TTBK1: variants seen among roughly 807,000 people sequenced by gnomAD.
TTBK1 encodes tau tubulin kinase 1.
Under a neutral mutation model 108.5 loss-of-function variants are expected in TTBK1, and 34 were observed. The observed-to-expected ratio is 0.31, with a 90% CI of 0.24 to 0.42. TTBK1 has a LOEUF of 0.42. Ranked by LOEUF, TTBK1 falls within the 10% of genes least tolerant of loss-of-function variation. TTBK1 has a pLI of 1.00. For synonymous variants in TTBK1, 809 were observed against 795.1 expected (o/e 1.02, Z -0.29); for missense variants, 1,539 against 1,826.0 (o/e 0.84, Z 2.86).
At chr6:43,280,100 A>C (rs1447318679) in intron 13 of TTBK1, among the ~76,000 whole-genome samples, 3 of 148,340 alleles carry the variant, frequency 2.0e-5, no homozygotes, top group African/African-American at 7.3e-5. Flanking sequence ...TCCTGCTGGA[A>C]TCTGAAGCTA....
intron 12 of TTBK1, among the ~76,000 whole-genome samples, chr6:43,260,146 G>A (rs1286515041): frequency 1.3e-5 from 2 of 152,220 alleles, no homozygotes; most frequent in African/African-American, 4.8e-5. Flanking sequence ...TTGGGGGTTA[G>A]GGCTGAAGGA....
In TTBK1 at chr6:43,252,785, T is replaced by C. The variant is rs1264247234; in HGVS notation, c.155T>C (p.Met52Thr). The C allele has an allele frequency of 1.2e-6, 2 of 1,613,960 alleles. No individual in the cohort carries two copies. Among genetic ancestry groups the C allele is most frequent in the Non-Finnish European group, 1.7e-6 (2 of 1,179,984 alleles). Residue 52 changes from methionine (M) to threonine (T), a missense_variant, in exon 3 of 15, where the codon ATG becomes ACG. Physicochemically the swap from Met to Thr is moderately conservative, Grantham distance 81 (BLOSUM62 -1). Around this residue, in one of 5 missense-constraint regions of TTBK1, gnomAD observed 155 missense variants for 348.5 expected, o/e 0.44. Transcript: ENST00000259750. ...GGCTTTGGTGAGATCTACGAGGCCA[T>C]GGACCTGCTGACCAGGGAGAATGTG... ...GGGFGEIYEA[M>T]DLLTRENVAL...
intron 9 of TTBK1, 105 bp downstream of exon 9, chr6:43,255,961 C>A: frequency 7.1e-7 from 1 of 1,416,986 alleles, no homozygotes; most frequent in East Asian, 2.3e-5. Context: ...TGCCTTGTCC[C>A]CAAGCCTCTC....
chr6:43,244,277 C>A (rs918745059), intron 1 of TTBK1, among the ~76,000 whole-genome samples: 1 of 152,074 alleles, frequency 6.6e-6, no homozygotes, highest in South Asian at 2.1e-4. Flanking sequence ...CGCTAGTCTC[C>A]ATCACCTCTC....
intron 12 of TTBK1, 103 bp from the exon 13 acceptor site, chr6:43,262,686 G>A (rs1353107337): frequency 1.6e-5 from 19 of 1,181,936 alleles, no homozygotes; most frequent in South Asian, 1.3e-4. Context: ...GGGGTACTGC[G>A]GTCAGGAGGT....
chr6:43,264,939 G>T (rs137940870), intron 13 of TTBK1, among the ~76,000 whole-genome samples: 1 of 152,224 alleles, frequency 6.6e-6, no homozygotes, highest in Non-Finnish European at 1.5e-5. Context: ...GGCAGGGAGG[G>T]GCCAGATGGT....
chr6:43,259,741 A>G lies in TTBK1; in HGVS notation c.1424+35A>G, dbSNP rs1777488053. On this transcript the variant is annotated intron_variant, in intron 12 of 14. Transcript: ENST00000259750. This position sits in a 1 kb window ranked among gnomAD's most constrained non-coding sequence, Gnocchi z 6.7. ...GGGCCAGGGGCATGGTTGGGGCCCA[A>G]GGCCCTCTCCGCCTTCACGTGGCTG... The G allele has an allele frequency of 1.3e-6, 2 of 1,515,756 alleles. No homozygotes were observed. The highest frequency in any genetic ancestry group is 1.3e-5 in the South Asian group (1 of 76,270). 93.9% of individuals were successfully genotyped at this position (1,515,756 alleles called of 1,614,324 possible).
Position 43,273,183 on chromosome 6 carries a change from ATGCCGAATAATCTGAGGTCT to A in TTBK1, c.1987-9541_1987-9522del, listed in dbSNP as rs1336353181. Among the ~76,000 whole-genome samples the A allele has an allele frequency of 6.6e-6, 1 of 152,196 alleles. No homozygotes were observed. Among genetic ancestry groups the A allele is most frequent in the East Asian group, 1.9e-4 (1 of 5,198 alleles). The stretch of plus-strand genomic sequence containing the variant: ...ACCAGAACATATAAAAAACCCACCC[ATGCCGAATAATCTGAGGTCT>A]TGTTTGACAGAGTTTGTGAAACATC... On this transcript the variant is annotated intron_variant, in intron 13 of 14. Transcript: ENST00000259750. The surrounding 1 kb of genome is among the most constrained non-coding windows in gnomAD (Gnocchi z 4.2).
intron 12 of TTBK1, among the ~76,000 whole-genome samples, chr6:43,262,055 AAAGGGTAG>A (rs534196897): frequency 2.6e-4 from 39 of 152,180 alleles, no homozygotes; most frequent in Non-Finnish European, 5.1e-4. Flanking sequence ...ATCAGACAGC[AAAGGGTAG>A]AAGGACAGGC....
At chr6:43,251,916 T>C (rs1456971384) in intron 2 of TTBK1, among the ~76,000 whole-genome samples, 2 of 152,174 alleles carry the variant, frequency 1.3e-5, no homozygotes, top group African/African-American at 4.8e-5. Flanking sequence ...CTCTCCTTCT[T>C]GTGACTCTTG....
At chr6:43,270,316 C>G (rs1314531904) in intron 13 of TTBK1, 2 of 1,068,332 alleles carry the variant, frequency 1.9e-6, no homozygotes, top group Non-Finnish European at 2.3e-6. Context: ...CAGAGGCACT[C>G]TGGTATGGGC....
Position 43,282,980 on chromosome 6 carries a change from A to G in TTBK1, c.2240A>G (p.Glu747Gly). Residue 747 changes from glutamate (E) to glycine (G), a missense_variant, in exon 14 of 15, where the codon GAG (glutamate) becomes GGG (glycine). Glu to Gly is a moderately conservative substitution (Grantham distance 98, BLOSUM62 -2). Around this residue, in one of 5 missense-constraint regions of TTBK1, gnomAD observed 1,055 missense variants for 1,086.5 expected, o/e 0.97. Coordinates refer to ENST00000259750, the MANE Select transcript of TTBK1 (RefSeq NM_032538.3). The surrounding 1 kb of genome is among the most constrained non-coding windows in gnomAD (Gnocchi z 5.4). ...GAGGAAGATGAGGAAGAGGAAGAAG[A>G]GGATGAGGAAGAAGAAGAGGAGGAA... ...EEEEDEEEEE[E>G]DEEEEEEEEE... The G allele has an allele frequency of 6.3e-7, 1 of 1,598,024 alleles. No homozygotes were observed.
chr6:43,259,054 C>A lies in TTBK1; in HGVS notation c.1033C>A (p.Pro345Thr). Residue 345 changes from proline to threonine, a missense_variant, in exon 11 of 15, where the codon CCA (proline) becomes ACA (threonine). By Grantham distance (38) the Pro-to-Thr change is conservative (BLOSUM62 -1). Around this residue, in one of 5 missense-constraint regions of TTBK1, gnomAD observed 277 missense variants for 332.4 expected, o/e 0.83. Coordinates refer to ENST00000259750, the MANE Select transcript of TTBK1 (RefSeq NM_032538.3). This position sits in a 1 kb window ranked among gnomAD's most constrained non-coding sequence, Gnocchi z 6.7. ...CCTCTCCAGGGTGGTCAATGTGACGCCAGTGCCTGGGGACCTGCTCCGGGA... is the reference window on the plus strand; with the variant it reads ...CCTCTCCAGGGTGGTCAATGTGACGACAGTGCCTGGGGACCTGCTCCGGGA... ...AAMFGVVNVTPVPGDLLRENT... is the reference protein window; with the variant it reads ...AAMFGVVNVTTVPGDLLRENT... 6.2e-7 allele frequency: 1 copy of A among 1,612,784 alleles called. No individual in the cohort carries two copies. Among genetic ancestry groups the A allele is most frequent in the Non-Finnish European group, 8.5e-7 (1 of 1,179,222 alleles).
intron 13 of TTBK1, among the ~76,000 whole-genome samples, chr6:43,264,099 C>A: frequency 6.6e-6 from 1 of 152,152 alleles, no homozygotes; most frequent in Non-Finnish European, 1.5e-5. Context: ...ATACAATGAT[C>A]TGACCAGTGC....
chr6:43,284,400 C>T (rs1778300198), intron 14 of TTBK1, 88 bp downstream of exon 14: 1 of 1,446,984 alleles, frequency 6.9e-7, no homozygotes, highest in Non-Finnish European at 9.1e-7. Context: ...AGGTCAGGGG[C>T]TATGGAAGAT....
intron 9 of TTBK1, among the ~76,000 whole-genome samples, chr6:43,256,806 G>A (rs1777393850): frequency 6.6e-6 from 1 of 152,182 alleles, no homozygotes; most frequent in Admixed American, 6.5e-5. Flanking sequence ...TGAAAACTCT[G>A]CGGGAGGCAA....
rs375153297 is a variant in TTBK1 at position 43,277,833 on chromosome 6, C to T, written c.1987-4894C>T. 9.2e-5 allele frequency among the ~76,000 whole-genome samples: 14 copies of T among 152,196 alleles called. No homozygotes were observed. In the East Asian group the frequency reaches 9.7e-4, roughly 11 times the overall value. ...GTGATGCAGGCACATCTCATCTCCTCGCAGGTGGAGCAGGGGTGTTGGGGG... is the reference window on the plus strand; with the variant it reads ...GTGATGCAGGCACATCTCATCTCCTTGCAGGTGGAGCAGGGGTGTTGGGGG... On this transcript the variant is annotated intron_variant, in intron 13 of 14. Coordinates refer to ENST00000259750, the MANE Select transcript of TTBK1 (RefSeq NM_032538.3).
At chr6:43,244,388 C>T (rs1777034975) in intron 1 of TTBK1, among the ~76,000 whole-genome samples, 2 of 152,064 alleles carry the variant, frequency 1.3e-5, no homozygotes, top group South Asian at 4.1e-4. Context: ...CCACCAGTTC[C>T]ACGTACCCCT....
In TTBK1 at chr6:43,272,308, C is replaced by G. The variant is rs561972314; in HGVS notation, c.1986+8958C>G. Reference sequence around the variant, plus strand: ...CTGAGCACAGCTCCATCTCAGTGACCAGAACCCTGAGGTACTCTAAGATCC... The same window carrying G: ...CTGAGCACAGCTCCATCTCAGTGACGAGAACCCTGAGGTACTCTAAGATCC... On this transcript the variant is annotated intron_variant, in intron 13 of 14. Transcript: ENST00000259750. 1.3e-4 allele frequency: 124 copies of G among 985,498 alleles called. 1 individual carries two copies. Among genetic ancestry groups the G allele is most frequent in the Admixed American group, 5.5e-4 (9 of 16,294 alleles). 61.0% of individuals were successfully genotyped at this position (985,498 alleles called of 1,614,324 possible). A position where few individuals can be genotyped will look rare whatever the true frequency, so the allele number is the denominator to read the frequency against.
Sources: gnomAD v4.1 joint callset for allele counts (sites outside exome capture counted in the v4.1 genomes callset) on GRCh38, gnomAD v4.1.1 for gene constraint, gnomAD v4.1.1 regional missense constraint, Gnocchi (gnomAD v3.1) non-coding constraint, MANE v1.5 for transcripts, NCBI Gene and HGNC (gene_info 2026-07-23, HGNC 2026-07-21) for gene names.